Variants in SYT1 observed in about 807,000 individuals in gnomAD.
The protein encoded by SYT1 is synaptotagmin 1, also known as synaptotagmin-1.
Under a neutral mutation model 44.8 loss-of-function variants are expected in SYT1, and 8 were observed. The ratio of observed to expected loss-of-function variants is 0.18; its 90% CI spans 0.10 to 0.32. SYT1 has a LOEUF of 0.32. Among genes scored for constraint, SYT1 ranks in the 10% least tolerant of loss-of-function variants. SYT1 has a pLI of 1.00. For missense variants in SYT1, 286 were observed against 509.3 expected (o/e 0.56, Z 4.22); for synonymous variants, 154 against 188.8 (o/e 0.82, Z 1.51).
At chr12:79,363,728 CT>C (rs1883420082) in intron 9 of SYT1, among the ~76,000 whole-genome samples, 1 of 148,082 alleles carries the variant, frequency 6.8e-6, no homozygotes, top group Non-Finnish European at 1.5e-5. Flanking sequence ...AAGCGTGTCC[CT>C]GTCTCAAAAA....
chr12:79,113,050 G>A (rs1879099077), intron 3 of SYT1, among the ~76,000 whole-genome samples: 1 of 152,084 alleles, frequency 6.6e-6, no homozygotes, highest in African/African-American at 2.4e-5. Flanking sequence ...GAATGAACAA[G>A]CCCAGATATC....
At chr12:79,044,995 C>T (rs546816723) in intron 2 of SYT1, among the ~76,000 whole-genome samples, 12 of 152,092 alleles carry the variant, frequency 7.9e-5, no homozygotes, top group African/African-American at 2.7e-4. Context: ...TCTGCAGCTG[C>T]GTGCTGGGAG....
At chr12:79,346,013 C>A (rs1882590538) in intron 8 of SYT1, among the ~76,000 whole-genome samples, 1 of 152,106 alleles carries the variant, frequency 6.6e-6, no homozygotes, top group Non-Finnish European at 1.5e-5. Flanking sequence ...AATAGAATGT[C>A]CTTTTAAAAT....
intron 9 of SYT1, among the ~76,000 whole-genome samples, chr12:79,355,205 G>A (rs975358576): frequency 6.6e-6 from 1 of 152,136 alleles, no homozygotes; most frequent in African/African-American, 2.4e-5. Context: ...ACTTGGCTAA[G>A]GGAAGTTAGG....
intron 2 of SYT1, among the ~76,000 whole-genome samples, 169 bp from the exon 3 acceptor site, chr12:79,047,128 A>G (rs1160346559): frequency 2.0e-5 from 3 of 151,854 alleles, no homozygotes; most frequent in African/African-American, 7.2e-5. Flanking sequence ...AATCCAAACT[A>G]TCTGTATTAT....
chr12:78,989,082 C>T (rs1869846143), intron 2 of SYT1, among the ~76,000 whole-genome samples: 1 of 152,016 alleles, frequency 6.6e-6, no homozygotes, highest in Non-Finnish European at 1.5e-5. Flanking sequence ...CTAGAGATTT[C>T]CTTGAACACT....
At chr12:79,354,802 A>G (rs1369737997) in intron 9 of SYT1, among the ~76,000 whole-genome samples, 2 of 152,174 alleles carry the variant, frequency 1.3e-5, no homozygotes, top group Non-Finnish European at 2.9e-5. Flanking sequence ...TAACTACAAT[A>G]ACAGTTCCCT....
At chr12:78,881,778 A>G (rs550039500) in intron 1 of SYT1, among the ~76,000 whole-genome samples, 2 of 151,648 alleles carry the variant, frequency 1.3e-5, no homozygotes, top group African/African-American at 4.8e-5. Context: ...AGAAAAAAAA[A>G]GAGGAGATAA....
At chr12:79,289,557 G>C (rs1265216252) in intron 5 of SYT1, among the ~76,000 whole-genome samples, 1 of 152,112 alleles carries the variant, frequency 6.6e-6, no homozygotes, top group Non-Finnish European at 1.5e-5. Flanking sequence ...AAACCACTTA[G>C]GGAGAAGGAG....
At chr12:78,939,665 C>T (rs1878246451) in intron 1 of SYT1, among the ~76,000 whole-genome samples, 1 of 152,184 alleles carries the variant, frequency 6.6e-6, no homozygotes, top group African/African-American at 2.4e-5. Context: ...GAAACTGGGA[C>T]TCTAGATTCA....
At position 79,172,139 on chromosome 12, in the gene SYT1, G is replaced by T. The variant is rs146298057; in HGVS notation, c.-17-45364G>T. Among the ~76,000 whole-genome samples, 180 of 152,020 alleles carry T rather than the reference G, an allele frequency of 1.2e-3. 2 individuals are homozygous for T. Among genetic ancestry groups the T allele is most frequent in the African/African-American group, 4.0e-3 (167 of 41,538 alleles). On this transcript the variant is annotated intron_variant, in intron 3 of 10. Coordinates refer to ENST00000261205, the MANE Select transcript of SYT1 (RefSeq NM_005639.3). The stretch of plus-strand genomic sequence containing the variant: ...TAAATAGAGATATAAACACATTTAA[G>T]TTCACAATAATAATTGCATTTCATT...
chr12:79,256,710 G>T (rs1020887708), intron 4 of SYT1, among the ~76,000 whole-genome samples: 1 of 152,164 alleles, frequency 6.6e-6, no homozygotes, highest in African/African-American at 2.4e-5. Flanking sequence ...CAATAGGAAT[G>T]CTTCTAAAAT....
At chr12:79,388,501 A>T (rs1884527818) in intron 9 of SYT1, among the ~76,000 whole-genome samples, 1 of 152,012 alleles carries the variant, frequency 6.6e-6, no homozygotes, top group African/African-American at 2.4e-5. Flanking sequence ...TCAAGACCAG[A>T]CTGGGAAACA....
chr12:79,179,494 T>TATATATATATCC (rs1872339345), intron 3 of SYT1, among the ~76,000 whole-genome samples: 1 of 108,456 alleles, frequency 9.2e-6, no homozygotes, highest in African/African-American at 3.8e-5. Context: ...TAGATATATC[T>TATATATATATCC]ATATAGATAT....
intron 2 of SYT1, among the ~76,000 whole-genome samples, chr12:78,987,525 C>T (rs1298063390): frequency 6.6e-6 from 1 of 151,970 alleles, no homozygotes; most frequent in African/African-American, 2.4e-5. Flanking sequence ...ATAGTTACAT[C>T]CTTATCCCAG....
chr12:79,385,464 A>T (rs1248904097), intron 9 of SYT1, among the ~76,000 whole-genome samples: 1 of 151,826 alleles, frequency 6.6e-6, no homozygotes, highest in Non-Finnish European at 1.5e-5. Context: ...ATATTCATTG[A>T]TTTTTTTCAA....
Position 79,294,865 on chromosome 12 carries a change from T to G in SYT1, c.475-1204T>G, listed in dbSNP as rs961255418. On this transcript the variant is annotated intron_variant, in intron 6 of 10. Coordinates refer to ENST00000261205, the MANE Select transcript of SYT1 (RefSeq NM_005639.3). ...GTTTACCTACAATCTAGCACTCTTA[T>G]TGCCACTGTTGTATCATGATTCCAC... Among the ~76,000 whole-genome samples, 3 of 150,872 alleles carry G rather than the reference T, an allele frequency of 2.0e-5. No individual in the cohort carries two copies. In the East Asian group the frequency reaches 5.9e-4, roughly 30 times the overall value.
At chr12:79,409,140 T>C (rs1454723224) in intron 9 of SYT1, among the ~76,000 whole-genome samples, 1 of 152,176 alleles carries the variant, frequency 6.6e-6, no homozygotes, top group Non-Finnish European at 1.5e-5. Flanking sequence ...TGTCCCTTGC[T>C]ATAATTCCAG....
intron 1 of SYT1, among the ~76,000 whole-genome samples, chr12:78,953,553 T>C (rs1403578674): frequency 6.6e-6 from 1 of 152,098 alleles, no homozygotes; most frequent in East Asian, 1.9e-4. Context: ...GAGGTATTAT[T>C]GTCTTGAAAA....
Sources: gnomAD v4.1 joint callset for allele counts (sites outside exome capture counted in the v4.1 genomes callset) on GRCh38, gnomAD v4.1.1 for gene constraint, MANE v1.5 for transcripts, NCBI Gene and HGNC (gene_info 2026-07-23, HGNC 2026-07-21) for gene names.